The following KCNQ5 variants were observed in gnomAD, a reference collection of about 807,000 sequenced individuals.
KCNQ5 encodes potassium voltage-gated channel subfamily Q member 5.
A neutral mutation model predicts 98.2 loss-of-function variants in KCNQ5; 30 were observed. That is an observed-to-expected ratio of 0.31 (90% CI 0.23 to 0.41). The LOEUF is 0.41. KCNQ5 is among the 10% of genes least tolerant of loss of function. The probability of loss-of-function intolerance (pLI) is 1.00; values close to 1 mark genes in which losing one functional copy is unlikely to be tolerated. For missense variants in KCNQ5, 835 were observed against 1,182.5 expected (o/e 0.71, Z 4.31); for synonymous variants, 458 against 449.4 (o/e 1.02, Z -0.24).
chr6:73,101,198 C>T (rs934411666), intron 5 of KCNQ5, among the ~76,000 whole-genome samples: 2 of 152,132 alleles, frequency 1.3e-5, no homozygotes, highest in South Asian at 4.1e-4. Flanking sequence ...AAGAAAACTA[C>T]AGGCCACCAT....
At chr6:73,118,145 C>G (rs1775584806) in intron 7 of KCNQ5, among the ~76,000 whole-genome samples, 1 of 152,216 alleles carries the variant, frequency 6.6e-6, no homozygotes, top group Non-Finnish European at 1.5e-5. Flanking sequence ...ATAACCAGCA[C>G]TCAGATAAAC....
At position 73,194,579 on chromosome 6, in the gene KCNQ5, C is replaced by G. The variant is rs1402070214; in HGVS notation, c.1964C>G (p.Ser655Cys). ...QIPPFECEQT[S>C]DYQSPVDSKD... ...CCACCTTTTGAATGTGAACAGACATCTGACTATCAAAGCCCTGTGGATAGC... is the reference window on the plus strand; with the variant it reads ...CCACCTTTTGAATGTGAACAGACATGTGACTATCAAAGCCCTGTGGATAGC... Residue 655 changes from serine to cysteine, a missense_variant, in exon 14 of 14, where the codon TCT (serine) becomes TGT (cysteine). Physicochemically the swap from Ser to Cys is moderately radical, Grantham distance 112 (BLOSUM62 -1). This residue lies in a region of KCNQ5 where 416 missense variants were observed against 446.9 expected (regional missense o/e 0.93). Coordinates refer to ENST00000370398, the MANE Select transcript of KCNQ5 (RefSeq NM_019842.4). 1 of 1,614,092 alleles carries G rather than the reference C, an allele frequency of 6.2e-7. No homozygotes were observed. Among genetic ancestry groups the G allele is most frequent in the African/African-American group, 1.3e-5 (1 of 74,944 alleles).
intron 1 of KCNQ5, among the ~76,000 whole-genome samples, chr6:72,740,874 T>C (rs1008118198): frequency 1.3e-5 from 2 of 152,160 alleles, no homozygotes; most frequent in African/African-American, 4.8e-5. Context: ...TGCCCTCTAA[T>C]TACGACTTTA....
At chr6:73,078,180 ATAGT>A (rs1178327905) in intron 5 of KCNQ5, among the ~76,000 whole-genome samples, 3 of 151,568 alleles carry the variant, frequency 2.0e-5, no homozygotes, top group Non-Finnish European at 4.4e-5. Context: ...TAAAACATTG[ATAGT>A]TTGTTTATTT....
intron 8 of KCNQ5, among the ~76,000 whole-genome samples, chr6:73,123,270 G>A (rs537620211): frequency 6.2e-4 from 94 of 152,224 alleles, no homozygotes; most frequent in African/African-American, 2.1e-3. Flanking sequence ...AGGAATTTAG[G>A]GAGCATCAGA....
chr6:72,763,816 T>C (rs1772411778), intron 1 of KCNQ5, among the ~76,000 whole-genome samples: 1 of 151,994 alleles, frequency 6.6e-6, no homozygotes, highest in African/African-American at 2.4e-5. Flanking sequence ...CATGAGCTGT[T>C]GTGGAAAGAA....
intron 1 of KCNQ5, among the ~76,000 whole-genome samples, chr6:72,680,375 G>C (rs1437543309): frequency 6.6e-6 from 1 of 152,118 alleles, no homozygotes; most frequent in African/African-American, 2.4e-5. Flanking sequence ...TCTTTTTACT[G>C]CTAAATAATA....
rs1777937583 is a variant in KCNQ5 at position 73,169,780 on chromosome 6, T to C, written c.1503T>C (p.Asp501=). 2 of 1,613,946 alleles carry C rather than the reference T, an allele frequency of 1.2e-6. No individual in the cohort carries two copies. The highest frequency in any genetic ancestry group is 1.1e-5 in the South Asian group (1 of 91,072). ...CCCTTGGCACTGATGATGTATATGA[T>C]GAAAAAGGATGCCAGTGTGATGTAT... is the stretch of plus-strand genomic sequence containing the variant. The part of the protein sequence containing the change: ...DTALGTDDVY[D]EKGCQCDVSV... Residue 501 remains aspartate (D), a synonymous_variant, in exon 11 of 14, where the codon GAT becomes GAC. Transcript: ENST00000370398.
At chr6:73,140,607 G>A (rs1283819696) in intron 10 of KCNQ5, among the ~76,000 whole-genome samples, 2 of 152,132 alleles carry the variant, frequency 1.3e-5, no homozygotes, top group Non-Finnish European at 2.9e-5. Context: ...AAAATCTGAG[G>A]GTTTTCTTTA....
intron 1 of KCNQ5, among the ~76,000 whole-genome samples, chr6:72,722,650 G>A (rs540097786): frequency 6.6e-6 from 1 of 152,214 alleles, no homozygotes; most frequent in Non-Finnish European, 1.5e-5. Context: ...GCAATCATGG[G>A]AGGCATTGTT....
chr6:73,136,967 C>T (rs1477434922), intron 10 of KCNQ5, among the ~76,000 whole-genome samples: 3 of 152,048 alleles, frequency 2.0e-5, no homozygotes, highest in Non-Finnish European at 4.4e-5. Flanking sequence ...TTCAGCATTC[C>T]ATTGCCCATT....
chr6:72,626,912 C>T (rs1181092959), intron 1 of KCNQ5, among the ~76,000 whole-genome samples: 1 of 152,102 alleles, frequency 6.6e-6, no homozygotes. Flanking sequence ...ATGATTCTGA[C>T]TTGGTTGATT....
At position 73,082,195 on chromosome 6, in the gene KCNQ5, C is replaced by T. The variant is rs117591720; in HGVS notation, c.918+4308C>T. ...AAAGCAGACCATCCCTGCCCAGATC[C>T]TCATCCGCCTTGTTACCCTGCAGCC... On this transcript the variant is annotated intron_variant, in intron 5 of 13. Transcript: ENST00000370398. Among the ~76,000 whole-genome samples the T allele has an allele frequency of 3.3e-3, 500 of 152,310 alleles. 2 individuals are homozygous for T. Among genetic ancestry groups the T allele is most frequent in the Non-Finnish European group, 6.0e-3 (410 of 68,020 alleles).
intron 5 of KCNQ5, among the ~76,000 whole-genome samples, chr6:73,100,678 A>AG (rs1410344579): frequency 4.0e-5 from 6 of 151,600 alleles, no homozygotes; most frequent in Non-Finnish European, 8.8e-5. Context: ...CAAAAAAGAA[A>AG]AAAAAAAAAG....
chr6:72,803,517 A>G lies in KCNQ5; in HGVS notation c.398+180930A>G, dbSNP rs944196951. 2.0e-5 allele frequency among the ~76,000 whole-genome samples: 3 copies of G among 152,178 alleles called. No individual in the cohort carries two copies. In the South Asian group the frequency reaches 6.2e-4, roughly 31 times the overall value. ...AGCTAGTTCTGCACAATGTGTCCAC[A>G]CCAGAATATTCCCTACAGGCACTGG... On this transcript the variant is annotated intron_variant, in intron 1 of 13. Coordinates refer to ENST00000370398, the MANE Select transcript of KCNQ5 (RefSeq NM_019842.4).
rs941855647 is a variant in KCNQ5, at chr6:73,055,354, G to A, written c.616+13292G>A. 4 of 1,450,404 alleles carry A rather than the reference G, an allele frequency of 2.8e-6. No individual in the cohort carries two copies. The African/African-American group carries it at 5.6e-5, about 20-fold the overall frequency. The allele number at this position is 1,450,404 out of a possible 1,614,324, so 89.8% of individuals were successfully genotyped here. ...TAGTGAGGACTTGGCGCCTCAATGA[G>A]CAGCACTATGGGGCTCTAGCCGGTC... is the stretch of plus-strand genomic sequence containing the variant. On this transcript the variant is annotated intron_variant, in intron 3 of 13. Coordinates refer to ENST00000370398, the MANE Select transcript of KCNQ5 (RefSeq NM_019842.4).
rs552539555 is a variant in KCNQ5, at chr6:72,693,505, T to C, written c.398+70918T>C. ...CTGTTAGTGATGGGATTCAGGATTCTTTAGCAGGGCAAGGGAGTAAAAGTT... is the reference window on the plus strand; with the variant it reads ...CTGTTAGTGATGGGATTCAGGATTCCTTAGCAGGGCAAGGGAGTAAAAGTT... On this transcript the variant is annotated intron_variant, in intron 1 of 13. Transcript: ENST00000370398. Among the ~76,000 whole-genome samples, 12 of 152,270 alleles carry C rather than the reference T, an allele frequency of 7.9e-5. No individual in the cohort carries two copies. The East Asian group carries it at 2.3e-3, about 29-fold the overall frequency.
intron 1 of KCNQ5, among the ~76,000 whole-genome samples, chr6:72,700,816 A>G (rs1768768438): frequency 6.6e-6 from 1 of 152,192 alleles, no homozygotes; most frequent in African/African-American, 2.4e-5. Context: ...CATGGAGGCC[A>G]GGTGACAGGC....
chr6:73,010,480 C>T (rs1273089365), intron 2 of KCNQ5, among the ~76,000 whole-genome samples: 1 of 151,884 alleles, frequency 6.6e-6, no homozygotes, highest in Non-Finnish European at 1.5e-5. Flanking sequence ...TGTTTGCCAT[C>T]CCTATTCAAC....
Sources: gnomAD v4.1 joint callset for allele counts (sites outside exome capture counted in the v4.1 genomes callset) on GRCh38, gnomAD v4.1.1 for gene constraint, gnomAD v4.1.1 regional missense constraint, MANE v1.5 for transcripts, NCBI Gene and HGNC (gene_info 2026-07-23, HGNC 2026-07-21) for gene names.